Variants in HECW2 observed in about 807,000 individuals in gnomAD.
The protein encoded by HECW2 is HECT, C2 and WW domain containing E3 ubiquitin protein ligase 2.
HECW2 carries 61 observed loss-of-function variants against 175.2 expected under a neutral mutation model. The ratio of observed to expected loss-of-function variants is 0.35; its 90% CI spans 0.28 to 0.43. The LOEUF (loss-of-function observed/expected upper bound fraction) is 0.43. Ranked by LOEUF, HECW2 falls within the 20% of genes least tolerant of loss-of-function variation. The pLI, the probability that HECW2 is intolerant of heterozygous loss-of-function variation, is 1.00. For missense variants in HECW2, 1,524 were observed against 2,000.5 expected (o/e 0.76, Z 4.54); for synonymous variants, 671 against 731.0 (o/e 0.92, Z 1.32).
At chr2:196,281,928 C>A (rs1481250261) in intron 14 of HECW2, among the ~76,000 whole-genome samples, 3 of 152,130 alleles carry the variant, frequency 2.0e-5, no homozygotes, top group Non-Finnish European at 4.4e-5. Flanking sequence ...AGTTTCTTTT[C>A]CTGTTAAATG....
chr2:196,582,742 G>A (rs1031379933), intron 1 of HECW2, among the ~76,000 whole-genome samples: 4 of 152,148 alleles, frequency 2.6e-5, no homozygotes, highest in African/African-American at 9.7e-5. Flanking sequence ...CGTGAATTTC[G>A]TTTGGCATGA....
chr2:196,523,213 A>G (rs1335716516), intron 1 of HECW2, among the ~76,000 whole-genome samples: 2 of 152,058 alleles, frequency 1.3e-5, no homozygotes, highest in Non-Finnish European at 2.9e-5. Flanking sequence ...TTGGATTCCT[A>G]GGTATTTTAT....
At chr2:196,427,679 C>T (rs558936978) in intron 2 of HECW2, among the ~76,000 whole-genome samples, 2 of 152,062 alleles carry the variant, frequency 1.3e-5, no homozygotes, top group East Asian at 3.9e-4. Context: ...TGGAGACCAA[C>T]AATAAATTAT....
intron 1 of HECW2, among the ~76,000 whole-genome samples, chr2:196,486,968 T>C (rs1034053839): frequency 4.6e-5 from 7 of 151,874 alleles, no homozygotes; most frequent in African/African-American, 1.5e-4. Flanking sequence ...ACGCTGTCAC[T>C]ACAAAAAACT....
intron 1 of HECW2, among the ~76,000 whole-genome samples, chr2:196,474,107 G>C (rs1200116723): frequency 6.6e-6 from 1 of 152,184 alleles, no homozygotes; most frequent in Non-Finnish European, 1.5e-5. Flanking sequence ...ACTATTCAAA[G>C]AAGCAGTATT....
At position 196,218,409 on chromosome 2, in the gene HECW2, A is replaced by G. The variant is rs571996021; in HGVS notation, c.4409-1316T>C. On this transcript the variant is annotated intron_variant, in intron 26 of 28. Coordinates refer to ENST00000644978, the MANE Select transcript of HECW2 (RefSeq NM_001348768.2). ...TTCCCCCTCCCAAAGATTTCATTTGATAAGATTTACAATAACCATATAAAT... is the reference window on the plus strand; with the variant it reads ...TTCCCCCTCCCAAAGATTTCATTTGGTAAGATTTACAATAACCATATAAAT... The G allele has an allele frequency of 2.0e-5, 3 of 152,312 alleles. No homozygotes were observed. In the South Asian group the frequency reaches 6.2e-4, roughly 32 times the overall value. The allele number at this position is 152,312 out of a possible 1,614,324, so 9.4% of individuals were successfully genotyped here.
chr2:196,519,242 T>TC (rs911111668), intron 1 of HECW2, among the ~76,000 whole-genome samples: 3 of 152,002 alleles, frequency 2.0e-5, no homozygotes, highest in African/African-American at 7.2e-5. Context: ...GGACTGAAAC[T>TC]CCCCATTTCA....
chr2:196,410,505 G>A (rs144553707), intron 2 of HECW2, among the ~76,000 whole-genome samples: 57 of 152,178 alleles, frequency 3.7e-4, no homozygotes, highest in Middle Eastern at 3.4e-3. Flanking sequence ...ACAAAAAGGG[G>A]GGAGTTTTTT....
At chr2:196,349,064 C>G (rs1693069923) in intron 2 of HECW2, among the ~76,000 whole-genome samples, 1 of 152,220 alleles carries the variant, frequency 6.6e-6, no homozygotes, top group Non-Finnish European at 1.5e-5. Context: ...TACAGTGGTG[C>G]CTGCGGCACC....
intron 2 of HECW2, among the ~76,000 whole-genome samples, chr2:196,387,835 G>T (rs1028896604): frequency 6.6e-6 from 1 of 152,148 alleles, no homozygotes; most frequent in Non-Finnish European, 1.5e-5. Context: ...TACAGCATTT[G>T]TCTTCCATGC....
intron 2 of HECW2, among the ~76,000 whole-genome samples, chr2:196,352,465 G>A (rs1192125571): frequency 2.0e-5 from 3 of 152,210 alleles, no homozygotes; most frequent in Non-Finnish European, 4.4e-5. Flanking sequence ...CCTCATCACT[G>A]CCCTGGAAAG....
intron 10 of HECW2, among the ~76,000 whole-genome samples, chr2:196,313,322 A>C (rs1413810892): frequency 2.1e-4 from 32 of 152,256 alleles, no homozygotes; most frequent in Non-Finnish European, 5.9e-5. Context: ...TTAGCCCTCA[A>C]CTACCTCTAG....
At chr2:196,297,438 T>C (rs1444167280) in intron 13 of HECW2, among the ~76,000 whole-genome samples, 2 of 152,254 alleles carry the variant, frequency 1.3e-5, no homozygotes, top group Non-Finnish European at 2.9e-5. Flanking sequence ...GTAAATGTCA[T>C]TGCCATTTGG....
intron 2 of HECW2, among the ~76,000 whole-genome samples, chr2:196,391,216 G>A (rs373807360): frequency 7.2e-5 from 11 of 152,210 alleles, no homozygotes; most frequent in Middle Eastern, 3.4e-3. Flanking sequence ...AGCTCTCTCC[G>A]TAACCCAGGT....
chr2:196,499,680 G>A (rs13389752), intron 1 of HECW2, among the ~76,000 whole-genome samples: 4,651 of 152,158 alleles, frequency 0.031, 230 homozygotes, highest in African/African-American at 0.1. Flanking sequence ...TAAATTCTGG[G>A]ACTTAATTCT....
intron 1 of HECW2, among the ~76,000 whole-genome samples, chr2:196,459,593 T>C (rs1384849116): frequency 2.0e-5 from 3 of 151,922 alleles, no homozygotes; most frequent in Non-Finnish European, 4.4e-5. Flanking sequence ...ATAACCAACA[T>C]TAGGATTTCC....
intron 13 of HECW2, among the ~76,000 whole-genome samples, chr2:196,303,888 ATC>A (rs774413191): frequency 2.1e-4 from 32 of 152,052 alleles, no homozygotes; most frequent in Admixed American, 1.8e-3. Context: ...CAAGAATGTC[ATC>A]TCTGTCTTCA....
intron 1 of HECW2, among the ~76,000 whole-genome samples, chr2:196,437,900 T>C (rs1285570831): frequency 6.6e-6 from 1 of 151,396 alleles, no homozygotes; most frequent in East Asian, 1.9e-4. Context: ...GCCAGAAGAG[T>C]TAGCATGGAG....
intron 13 of HECW2, among the ~76,000 whole-genome samples, chr2:196,299,329 T>TA (rs11368645): frequency 0.79 from 114,112 of 144,558 alleles, 47,873 homozygotes; most frequent in East Asian, 0.95. Flanking sequence ...CAAAATAAGT[T>TA]AAAAAAAAAA....
Sources: allele counts gnomAD v4.1 joint callset (sites outside exome capture counted in the v4.1 genomes callset), GRCh38; gene constraint gnomAD v4.1.1; transcripts MANE v1.5; gene names NCBI Gene and HGNC (gene_info 2026-07-23, HGNC 2026-07-21).